The following SMURF2 variants were observed in gnomAD, a reference collection of about 807,000 sequenced individuals.
The protein encoded by SMURF2 is SMAD specific E3 ubiquitin protein ligase 2.
In SMURF2, 48 loss-of-function variants were observed where a neutral mutation model predicts 109.6. The ratio of observed to expected loss-of-function variants is 0.44; its 90% CI spans 0.35 to 0.56. The LOEUF is 0.56. Among genes scored for constraint, SMURF2 ranks in the 20% least tolerant of loss-of-function variants. The probability of loss-of-function intolerance (pLI) is 0.01; values close to 1 mark genes in which losing one functional copy is unlikely to be tolerated. For synonymous variants in SMURF2, 288 were observed against 317.1 expected, an observed-to-expected ratio of 0.91 and a Z score of 0.97; for missense variants, 575 against 909.0, an observed-to-expected ratio of 0.63 and a Z score of 4.72.
intron 14 of SMURF2, among the ~76,000 whole-genome samples, chr17:64,555,554 C>T (rs549532507): frequency 6.6e-6 from 1 of 152,208 alleles, no homozygotes; most frequent in African/African-American, 2.4e-5. Flanking sequence ...ATTTGTATCA[C>T]ATTGAGGAAA....
chr17:64,650,557 A>G (rs1970623076), intron 1 of SMURF2, among the ~76,000 whole-genome samples: 1 of 152,116 alleles, frequency 6.6e-6, no homozygotes, highest in South Asian at 2.1e-4. Context: ...ATGACCAGGC[A>G]CAGTGGCTCA....
At chr17:64,660,405 T>G (rs542607942) in intron 1 of SMURF2, among the ~76,000 whole-genome samples, 8 of 151,876 alleles carry the variant, frequency 5.3e-5, no homozygotes, top group Admixed American at 5.2e-4. Flanking sequence ...GGGGAGGGGG[T>G]GGAATACAAG....
intron 1 of SMURF2, among the ~76,000 whole-genome samples, chr17:64,660,074 A>G (rs1361285007): frequency 1.3e-5 from 2 of 152,202 alleles, no homozygotes; most frequent in African/African-American, 4.8e-5. Flanking sequence ...AACTTTAATT[A>G]TAAATTCTTA....
intron 10 of SMURF2, among the ~76,000 whole-genome samples, chr17:64,571,594 T>G (rs1555685549): frequency 6.6e-6 from 1 of 152,114 alleles, no homozygotes; most frequent in Non-Finnish European, 1.5e-5. Context: ...AAACAACTTT[T>G]TTTTTGTAGA....
Position 64,551,713 on chromosome 17 carries a change from A to G in SMURF2, c.1749-9T>C, listed in dbSNP as rs905259817. On this transcript the variant is annotated splice_polypyrimidine_tract_variant and intron_variant, in intron 15 of 18. Coordinates refer to ENST00000262435, the MANE Select transcript of SMURF2 (RefSeq NM_022739.4). The stretch of plus-strand genomic sequence containing the variant: ...TCCAGTTCACATAGAGCCTGTAAAC[A>G]TTCGGCAGGATTTCGTATAATCACA... 1.9e-6 allele frequency: 3 copies of G among 1,613,126 alleles called. No homozygotes were observed. The highest frequency in any genetic ancestry group is 2.5e-6 in the Non-Finnish European group (3 of 1,179,562).
intron 1 of SMURF2, among the ~76,000 whole-genome samples, chr17:64,619,714 ATC>A (rs1378875736): frequency 6.6e-6 from 1 of 151,828 alleles, no homozygotes; most frequent in Non-Finnish European, 1.5e-5. Flanking sequence ...GGCCCCCATA[ATC>A]TCTCCCATGT....
At chr17:64,610,401 T>C (rs1555689406) in intron 1 of SMURF2, among the ~76,000 whole-genome samples, 1 of 152,144 alleles carries the variant, frequency 6.6e-6, no homozygotes, top group African/African-American at 2.4e-5. Flanking sequence ...ATGTGGCACA[T>C]ATACACCATG....
At position 64,580,983 on chromosome 17, in the gene SMURF2, G is replaced by T; in HGVS notation, c.578C>A (p.Ser193Tyr). 1 of 1,614,074 alleles carries T rather than the reference G, an allele frequency of 6.2e-7. No homozygotes were observed. Among genetic ancestry groups the T allele is most frequent in the South Asian group, 1.1e-5 (1 of 91,080 alleles). Residue 193 changes from serine (S) to tyrosine (Y), a missense_variant, in exon 8 of 19, where the codon TCC becomes TAC. Physicochemically the swap from Ser to Tyr is moderately radical, Grantham distance 144. Coordinates refer to ENST00000262435, the MANE Select transcript of SMURF2 (RefSeq NM_022739.4). ...TQWERPTRPASEYSSPGRPLS... is the reference protein window; with the variant it reads ...TQWERPTRPAYEYSSPGRPLS... ...AGGTCTGCCAGGGCTAGAATATTCG[G>T]ATGCCGGTCTATTGAAAATTAACAA...
At chr17:64,549,323 C>T (rs1313279162) in intron 16 of SMURF2, among the ~76,000 whole-genome samples, 1 of 149,770 alleles carries the variant, frequency 6.7e-6, no homozygotes, top group East Asian at 2.0e-4. Flanking sequence ...GTGGTGCACA[C>T]CTGTAGTACC....
intron 1 of SMURF2, among the ~76,000 whole-genome samples, chr17:64,624,561 C>G (rs1289061552): frequency 6.6e-6 from 1 of 150,580 alleles, no homozygotes; most frequent in Non-Finnish European, 1.5e-5. Context: ...GTGGCAAATG[C>G]CTGTAGACCC....
At position 64,566,561 on chromosome 17, in the gene SMURF2, G is replaced by GTTTTTTTTTTTTTTTTTTTTTTT. The variant is rs1164717270; in HGVS notation, c.1017-3618_1017-3596dup. Among the ~76,000 whole-genome samples the GTTTTTTTTTTTTTTTTTTTTTTT allele has an allele frequency of 2.1e-3, 90 of 43,800 alleles. 32 individuals are homozygous for GTTTTTTTTTTTTTTTTTTTTTTT. The highest frequency in any genetic ancestry group is 3.0e-3 in the Non-Finnish European group (71 of 23,538). The allele number at this position is 43,800 out of a possible 152,430, so 28.7% of individuals were successfully genotyped here. A position where few individuals can be genotyped will look rare whatever the true frequency, so the allele number is the denominator to read the frequency against. The stretch of plus-strand genomic sequence containing the variant: ...GATGTAGAAATGCTTAAGCTTTCTG[G>GTTTTTTTTTTTTTTTTTTTTTTT]TTTTTTTTTTTTTTTTTTTTTTTTT... On this transcript the variant is annotated intron_variant, in intron 10 of 18. Coordinates refer to ENST00000262435, the MANE Select transcript of SMURF2 (RefSeq NM_022739.4).
chr17:64,657,104 A>AC (rs2144740655), intron 1 of SMURF2, among the ~76,000 whole-genome samples: 1 of 152,286 alleles, frequency 6.6e-6, no homozygotes, highest in South Asian at 2.1e-4. Context: ...CCATACTCAC[A>AC]CAAGGATGCT....
At chr17:64,608,789 A>G (rs1970005830) in intron 1 of SMURF2, among the ~76,000 whole-genome samples, 1 of 151,886 alleles carries the variant, frequency 6.6e-6, no homozygotes, top group African/African-American at 2.4e-5. Context: ...CCTCTATCTC[A>G]TATCTAAACC....
rs1261703761 is a variant in SMURF2 at position 64,542,775 on chromosome 17, AG to A, written c.*3072del. The stretch of plus-strand genomic sequence containing the variant: ...AGCGAATTACATTGTATTTGAAAGA[AG>A]AGAATCTTGTGCTCCGGACTGTAAA... On this transcript the variant is annotated 3_prime_UTR_variant, in exon 19 of 19. Coordinates refer to ENST00000262435, the MANE Select transcript of SMURF2 (RefSeq NM_022739.4). 6.6e-6 allele frequency: 1 copy of A among 152,248 alleles called. No homozygotes were observed. The highest frequency in any genetic ancestry group is 1.5e-5 in the Non-Finnish European group (1 of 68,054). The allele number at this position is 152,248 out of a possible 1,614,324, so 9.4% of individuals were successfully genotyped here. A position where few individuals can be genotyped will look rare whatever the true frequency, so the allele number is the denominator to read the frequency against.
chr17:64,587,758 T>G (rs73333943), intron 5 of SMURF2, among the ~76,000 whole-genome samples: 1 of 152,150 alleles, frequency 6.6e-6, no homozygotes, highest in African/African-American at 2.4e-5. Flanking sequence ...AAACAAAACA[T>G]TATATGAAAA....
chr17:64,612,908 T>C (rs893110470), intron 1 of SMURF2, among the ~76,000 whole-genome samples: 12 of 152,196 alleles, frequency 7.9e-5, no homozygotes, highest in African/African-American at 2.9e-4. Context: ...ATTAGTGTTC[T>C]AGAAGAAACA....
intron 10 of SMURF2, among the ~76,000 whole-genome samples, chr17:64,563,969 T>C (rs782350647): frequency 2.6e-5 from 4 of 152,126 alleles, no homozygotes; most frequent in Admixed American, 6.6e-5. Context: ...AGTCAAGTCA[T>C]AGACTAGGAA....
chr17:64,595,575 T>C (rs1299877918), intron 3 of SMURF2, among the ~76,000 whole-genome samples: 1 of 152,198 alleles, frequency 6.6e-6, no homozygotes, highest in Non-Finnish European at 1.5e-5. Flanking sequence ...AATACAATGT[T>C]ACCATATAGA....
At chr17:64,653,637 G>A (rs1000115261) in intron 1 of SMURF2, among the ~76,000 whole-genome samples, 38 of 151,950 alleles carry the variant, frequency 2.5e-4, no homozygotes, top group African/African-American at 9.0e-4. Flanking sequence ...TTGTAGAGAC[G>A]GAGTTTTGCC....
Sources: gnomAD v4.1 joint callset for allele counts (sites outside exome capture counted in the v4.1 genomes callset) on GRCh38, gnomAD v4.1.1 for gene constraint, MANE v1.5 for transcripts, NCBI Gene and HGNC (gene_info 2026-07-23, HGNC 2026-07-21) for gene names.